APOLD1: variants seen among roughly 807,000 people sequenced by gnomAD.
APOLD1 encodes the protein apolipoprotein L domain containing 1.
A neutral mutation model predicts 15.3 loss-of-function variants in APOLD1; 22 were observed. The ratio of observed to expected loss-of-function variants is 1.44; its 90% CI spans 1.03 to 2.05. The LOEUF (loss-of-function observed/expected upper bound fraction) is 2.05, where lower values mean the gene tolerates loss of function less well. APOLD1 is among the 30% of genes most tolerant of loss of function. The pLI is 0.00. For missense variants in APOLD1, 394 were observed against 353.5 expected, an observed-to-expected ratio of 1.11 and a Z score of -0.92; for synonymous variants, 190 against 167.4, an observed-to-expected ratio of 1.13 and a Z score of -1.04.
intron 1 of APOLD1, among the ~76,000 whole-genome samples, chr12:12,729,228 G>A (rs1275325849): frequency 1.4e-5 from 2 of 147,376 alleles, no homozygotes; most frequent in Non-Finnish European, 3.0e-5. Flanking sequence ...TAATTCTGTC[G>A]GCATTAAAAA....
intron 1 of APOLD1, among the ~76,000 whole-genome samples, chr12:12,729,576 G>A (rs1268620435): frequency 6.6e-6 from 1 of 151,964 alleles, no homozygotes; most frequent in African/African-American, 2.4e-5. Flanking sequence ...AGCTCTTGCG[G>A]CCAGGATTTT....
rs150760785 is a variant in APOLD1 at position 12,733,896 on chromosome 12, G to T, written c.96+7800G>T. 5.8e-4 allele frequency among the ~76,000 whole-genome samples: 89 copies of T among 152,282 alleles called. 1 individual carries two copies. The East Asian group carries it at 9.6e-3, about 16-fold the overall frequency. On this transcript the variant is annotated intron_variant, in intron 1 of 1. Coordinates refer to the APOLD1 transcript ENST00000326765. Reference sequence around the variant, plus strand: ...TGGGATTACAGGCGTGAGCCACCGCGCCCAGCCGGTATTTCAAATTTGAAA... The same window carrying T: ...TGGGATTACAGGCGTGAGCCACCGCTCCCAGCCGGTATTTCAAATTTGAAA...
intron 1 of APOLD1, among the ~76,000 whole-genome samples, chr12:12,758,350 G>A (rs1437110210): frequency 6.6e-6 from 1 of 151,954 alleles, no homozygotes; most frequent in Non-Finnish European, 1.5e-5. Context: ...TTCGAGACCA[G>A]CCTGGTCAAC....
intron 1 of APOLD1, among the ~76,000 whole-genome samples, chr12:12,744,052 A>G (rs547190132): frequency 2.6e-5 from 4 of 152,358 alleles, no homozygotes; most frequent in Admixed American, 6.5e-5. Context: ...GTGGTGGCTC[A>G]TGCCTGTAAT....
intron 1 of APOLD1, among the ~76,000 whole-genome samples, chr12:12,763,517 G>A (rs867965626): frequency 1.3e-5 from 2 of 150,594 alleles, no homozygotes; most frequent in African/African-American, 4.9e-5. Context: ...TTGTGTGTGG[G>A]GGGGGGGAAA....
rs1947178950 is a variant in APOLD1 at position 12,790,744 on chromosome 12, T to C, written c.*3092T>C. On this transcript the variant is annotated 3_prime_UTR_variant, in exon 2 of 2. Coordinates refer to ENST00000356591, the MANE Select transcript of APOLD1 (RefSeq NM_030817.3). ...ATGAGAATTTGTTGACAACAAAAGATCATCCATCGCCTTATGTGTGAGTAA... is the reference window on the plus strand; with the variant it reads ...ATGAGAATTTGTTGACAACAAAAGACCATCCATCGCCTTATGTGTGAGTAA... 2 of 152,244 alleles carry C rather than the reference T, an allele frequency of 1.3e-5. No individual in the cohort carries two copies. 9.4% of individuals were successfully genotyped at this position (152,244 alleles called of 1,614,324 possible). A position where few individuals can be genotyped will look rare whatever the true frequency, so the allele number is the denominator to read the frequency against.
At chr12:12,732,161 G>A (rs1481916999) in intron 1 of APOLD1, among the ~76,000 whole-genome samples, 1 of 152,282 alleles carries the variant, frequency 6.6e-6, no homozygotes, top group East Asian at 1.9e-4. Flanking sequence ...CTCATGAAGA[G>A]TTGATTACAT....
At chr12:12,779,033 C>T (rs760935393) in intron 1 of APOLD1, among the ~76,000 whole-genome samples, 1 of 152,194 alleles carries the variant, frequency 6.6e-6, no homozygotes, top group Non-Finnish European at 1.5e-5. Context: ...CTGCTTCCCA[C>T]TTTATGTTCA....
At chr12:12,763,221 A>C (rs1411617221) in intron 1 of APOLD1, among the ~76,000 whole-genome samples, 1 of 152,214 alleles carries the variant, frequency 6.6e-6, no homozygotes, top group Non-Finnish European at 1.5e-5. Context: ...AGATGGCTAA[A>C]TCAAGCTAAT....
intron 1 of APOLD1, chr12:12,726,423 CT>C (rs1028354278): frequency 3.1e-4 from 114 of 364,442 alleles, no homozygotes; most frequent in South Asian, 7.8e-4. Context: ...TTTAGGATGA[CT>C]TTTTTTTTCT....
intron 1 of APOLD1, among the ~76,000 whole-genome samples, chr12:12,776,097 T>A (rs2136395088): frequency 6.6e-6 from 1 of 151,786 alleles, no homozygotes; most frequent in African/African-American, 2.4e-5. Flanking sequence ...TTTCAGGGTG[T>A]TAGAAGATAC....
At position 12,790,077 on chromosome 12, in the gene APOLD1, C is replaced by T. The variant is rs1445132908; in HGVS notation, c.*2425C>T. On this transcript the variant is annotated 3_prime_UTR_variant, in exon 2 of 2. Coordinates refer to ENST00000356591, the MANE Select transcript of APOLD1 (RefSeq NM_030817.3). ...GAGTTGCAGTGGTTTGATCTCGGCT[C>T]ACTGCAACCTCCGACTCCTGGGTTC... 2 of 146,592 alleles carry T rather than the reference C, an allele frequency of 1.4e-5. No homozygotes were observed. Among genetic ancestry groups the T allele is most frequent in the South Asian group, 2.2e-4 (1 of 4,632 alleles). The allele number at this position is 146,592 out of a possible 1,614,324, so 9.1% of individuals were successfully genotyped here.
intron 1 of APOLD1, among the ~76,000 whole-genome samples, chr12:12,764,150 A>C (rs1355544297): frequency 3.3e-5 from 5 of 152,042 alleles, no homozygotes; most frequent in Non-Finnish European, 1.5e-5. Context: ...TTTAGTAGTG[A>C]CAGGGTTTCG....
At chr12:12,746,934 G>A (rs1295460032) in intron 1 of APOLD1, among the ~76,000 whole-genome samples, 1 of 152,022 alleles carries the variant, frequency 6.6e-6, no homozygotes, top group Non-Finnish European at 1.5e-5. Context: ...TAGGTTAATG[G>A]TCCCCAGCTA....
intron 1 of APOLD1, among the ~76,000 whole-genome samples, chr12:12,768,498 CA>C (rs945857022): frequency 6.6e-6 from 1 of 151,630 alleles, no homozygotes; most frequent in East Asian, 1.9e-4. Flanking sequence ...CAAAACAAAA[CA>C]AAAAAACCAA....
At chr12:12,738,271 T>C (rs1946705320) in intron 1 of APOLD1, among the ~76,000 whole-genome samples, 1 of 146,504 alleles carries the variant, frequency 6.8e-6, no homozygotes. Context: ...TGCAGTGGCA[T>C]GATCATGGCT....
rs113894259 is a variant in APOLD1, at chr12:12,739,447, T to C, written c.96+13351T>C. 7.4e-3 allele frequency among the ~76,000 whole-genome samples: 1,127 copies of C among 152,338 alleles called. 7 individuals carry two copies. The highest frequency in any genetic ancestry group is 0.012 in the Non-Finnish European group (807 of 68,030). On this transcript the variant is annotated intron_variant, in intron 1 of 1. Transcript: ENST00000326765. ...CTGCAAGCATTTTCAAGGAAAGGAA[T>C]GTTTGTTACAGGTGATTGTCTAATC...
At chr12:12,726,155 C>CAAAAAA in intron 1 of APOLD1, 1 of 222,438 alleles carries the variant, frequency 4.5e-6, no homozygotes, top group South Asian at 5.6e-5. Flanking sequence ...CTCTTCGCAA[C>CAAAAAA]CAAAAAAAAA....
In APOLD1 at chr12:12,761,821, GTA is replaced by G. The variant is rs1565432738; in HGVS notation, c.97-25084_97-25083del. 1.4e-4 allele frequency among the ~76,000 whole-genome samples: 20 copies of G among 139,290 alleles called. 1 individual carries two copies. The highest frequency in any genetic ancestry group is 5.1e-4 in the African/African-American group (18 of 35,352). 91.4% of individuals were successfully genotyped at this position (139,290 alleles called of 152,430 possible). Reference sequence around the variant, plus strand: ...TATATACATGAACATATACATATATGTATATGTATAGAGAGAGAGAGAGAGAG... The same window carrying G: ...TATATACATGAACATATACATATATGTATGTATAGAGAGAGAGAGAGAGAG... On this transcript the variant is annotated intron_variant, in intron 1 of 1. Coordinates refer to the APOLD1 transcript ENST00000326765.
Sources: allele counts gnomAD v4.1 joint callset (sites outside exome capture counted in the v4.1 genomes callset), GRCh38; gene constraint gnomAD v4.1.1; transcripts MANE v1.5; gene names NCBI Gene and HGNC (gene_info 2026-07-23, HGNC 2026-07-21).